DLGAP1: variants seen among roughly 807,000 people sequenced by gnomAD.
DLGAP1 encodes the protein DLG associated protein 1.
DLGAP1 carries 11 observed loss-of-function variants against 90.8 expected under a neutral mutation model. The ratio of observed to expected loss-of-function variants is 0.12; its 90% CI spans 0.08 to 0.20. DLGAP1 has a LOEUF of 0.20. Ranked by LOEUF, DLGAP1 falls within the 10% of genes least tolerant of loss-of-function variation. The probability of loss-of-function intolerance (pLI) is 1.00; values close to 1 mark genes in which losing one functional copy is unlikely to be tolerated. For synonymous variants in DLGAP1, 558 were observed against 540.7 expected (o/e 1.03, Z -0.44); for missense variants, 1,050 against 1,333.8 (o/e 0.79, Z 3.31).
chr18:3,741,443 C>A (rs887316012), intron 6 of DLGAP1, among the ~76,000 whole-genome samples: 4 of 151,666 alleles, frequency 2.6e-5, no homozygotes, highest in Non-Finnish European at 5.9e-5. Context: ...ACCATCATCA[C>A]TGCCACTACC....
intron 2 of DLGAP1, among the ~76,000 whole-genome samples, chr18:4,058,307 CATTTGTG>C (rs2075251492): frequency 6.6e-6 from 1 of 152,172 alleles, no homozygotes; most frequent in Admixed American, 6.5e-5. Context: ...GCTCTTGTTG[CATTTGTG>C]TAGCAGCAAA....
chr18:4,107,925 G>T (rs1016847360), intron 2 of DLGAP1, among the ~76,000 whole-genome samples: 1 of 152,076 alleles, frequency 6.6e-6, no homozygotes, highest in Non-Finnish European at 1.5e-5. Flanking sequence ...TTTACTCTAA[G>T]AATTGAAAAA....
intron 3 of DLGAP1, among the ~76,000 whole-genome samples, chr18:3,892,823 T>G (rs2148861731): frequency 6.6e-6 from 1 of 151,478 alleles, no homozygotes; most frequent in Middle Eastern, 3.4e-3. Context: ...CAGTGTGCAA[T>G]TCCTGTTCCA....
chr18:3,712,139 G>C (rs1188848787), intron 7 of DLGAP1, among the ~76,000 whole-genome samples: 1 of 152,194 alleles, frequency 6.6e-6, no homozygotes, highest in African/African-American at 2.4e-5. Context: ...CACACTTACT[G>C]AGTGGGGATC....
At chr18:4,301,769 T>C (rs1162877563) in intron 1 of DLGAP1, among the ~76,000 whole-genome samples, 1 of 152,228 alleles carries the variant, frequency 6.6e-6, no homozygotes, top group Non-Finnish European at 1.5e-5. Flanking sequence ...ACTAACAGTG[T>C]ACAAGGGTTC....
At chr18:4,095,144 G>C (rs931434384) in intron 2 of DLGAP1, among the ~76,000 whole-genome samples, 3 of 152,114 alleles carry the variant, frequency 2.0e-5, no homozygotes, top group African/African-American at 7.2e-5. Flanking sequence ...GCCTCAAGAG[G>C]GGACCAGCTC....
At chr18:3,757,075 C>A (rs906495318) in intron 5 of DLGAP1, among the ~76,000 whole-genome samples, 17 of 152,092 alleles carry the variant, frequency 1.1e-4, no homozygotes, top group African/African-American at 3.1e-4. Flanking sequence ...TTTCCAAACT[C>A]AATCCATGAG....
intron 7 of DLGAP1, chr18:3,654,030 G>GT (rs2059400263): frequency 6.6e-6 from 1 of 152,272 alleles, no homozygotes; most frequent in African/African-American, 2.4e-5. Context: ...TGGAACACAC[G>GT]TCCCCCCAGC....
At position 3,742,822 on chromosome 18, in the gene DLGAP1, G is replaced by A. The variant is rs575783701; in HGVS notation, c.1173-310C>T. On this transcript the variant is annotated intron_variant, in intron 5 of 12. Transcript: ENST00000315677. ...AGCAATTGTCCTGCCCAGGAATTCT[G>A]ACTTGTGTAATTTGTAAAGCTTTTC... Among the ~76,000 whole-genome samples the A allele has an allele frequency of 1.9e-4, 29 of 152,262 alleles. No homozygotes were observed. In the South Asian group the frequency reaches 5.6e-3, roughly 29 times the overall value.
chr18:3,549,425 C>A (rs1012106266), intron 9 of DLGAP1, among the ~76,000 whole-genome samples: 1 of 151,880 alleles, frequency 6.6e-6, no homozygotes, highest in Non-Finnish European at 1.5e-5. Context: ...CTCCGCCTCC[C>A]AGGTTCAAGG....
chr18:4,409,501 A>C (rs1268480740), intron 1 of DLGAP1, among the ~76,000 whole-genome samples: 1 of 152,176 alleles, frequency 6.6e-6, no homozygotes, highest in Non-Finnish European at 1.5e-5. Flanking sequence ...TTTCTTTCTG[A>C]AGATAGTGAG....
chr18:3,963,373 T>C (rs2073247028), intron 3 of DLGAP1, among the ~76,000 whole-genome samples: 1 of 152,160 alleles, frequency 6.6e-6, no homozygotes, highest in South Asian at 2.1e-4. Context: ...CTTGTGAGGC[T>C]GAAGGAAAGT....
chr18:3,552,450 C>A (rs373416661), intron 9 of DLGAP1, among the ~76,000 whole-genome samples: 1 of 152,074 alleles, frequency 6.6e-6, no homozygotes, highest in Non-Finnish European at 1.5e-5. Flanking sequence ...TGCAAAATCC[C>A]GGATGTCAGC....
chr18:3,565,226 G>A lies in DLGAP1; in HGVS notation c.2057+2264C>T, dbSNP rs1258712418. Among the ~76,000 whole-genome samples the A allele has an allele frequency of 6.6e-6, 1 of 152,094 alleles. No homozygotes were observed. Among genetic ancestry groups the A allele is most frequent in the Non-Finnish European group, 1.5e-5 (1 of 68,006 alleles). On this transcript the variant is annotated intron_variant, in intron 9 of 12. Transcript: ENST00000315677. This position sits in a 1 kb window ranked among gnomAD's most constrained non-coding sequence, Gnocchi z 4.0. ...CGCAATGGCGTCATCTTGGCTCACT[G>A]CAATCTCTGCCTCCTGGGTTAAAGG...
intron 1 of DLGAP1, among the ~76,000 whole-genome samples, chr18:4,230,142 T>C (rs73373085): frequency 0.024 from 3,669 of 152,086 alleles, 126 homozygotes; most frequent in African/African-American, 0.075. Flanking sequence ...CAAATGCAGA[T>C]GAGGATGTGG....
intron 5 of DLGAP1, among the ~76,000 whole-genome samples, chr18:3,809,078 G>A (rs1378265404): frequency 1.3e-5 from 2 of 152,132 alleles, no homozygotes; most frequent in East Asian, 3.9e-4. Context: ...TGTAGACTAA[G>A]GATAGCACCT....
chr18:3,814,936 G>C (rs1386370045), intron 4 of DLGAP1, among the ~76,000 whole-genome samples: 3 of 152,068 alleles, frequency 2.0e-5, no homozygotes, highest in Non-Finnish European at 4.4e-5. Context: ...TATTGTAATA[G>C]GCTCATAAAT....
intron 2 of DLGAP1, among the ~76,000 whole-genome samples, chr18:4,020,782 A>G (rs143197763): frequency 7.2e-5 from 11 of 152,338 alleles, no homozygotes; most frequent in African/African-American, 1.4e-4. Context: ...GAAACTAGTT[A>G]CAAGATTAGA....
intron 3 of DLGAP1, chr18:3,977,788 C>T (rs75490656): frequency 0.014 from 5,369 of 372,982 alleles, 65 homozygotes; most frequent in Non-Finnish European, 0.021. Flanking sequence ...GTGGGTGATG[C>T]TGTTAAAGTC....
Sources: gnomAD v4.1 joint callset for allele counts (sites outside exome capture counted in the v4.1 genomes callset) on GRCh38, gnomAD v4.1.1 for gene constraint, Gnocchi (gnomAD v3.1) non-coding constraint, MANE v1.5 for transcripts, NCBI Gene and HGNC (gene_info 2026-07-23, HGNC 2026-07-21) for gene names.